Variants in DNMBP observed in about 807,000 individuals in gnomAD.
The protein encoded by DNMBP is dynamin-binding protein.
Under a neutral mutation model 150.0 loss-of-function variants are expected in DNMBP, and 87 were observed. That is an observed-to-expected ratio of 0.58 (90% CI 0.49 to 0.69). The LOEUF is 0.69. DNMBP is among the 30% of genes least tolerant of loss of function. The probability of loss-of-function intolerance (pLI) is 0.00; values close to 1 mark genes in which losing one functional copy is unlikely to be tolerated. For synonymous variants in DNMBP, 711 were observed against 750.4 expected, an observed-to-expected ratio of 0.95 and a Z score of 0.86; for missense variants, 1,774 against 1,949.0, an observed-to-expected ratio of 0.91 and a Z score of 1.69.
rs767820599 is a variant in DNMBP, at chr10:99,898,066, A to G, written c.2920+20T>C. On this transcript the variant is annotated intron_variant, in intron 9 of 16. Transcript: ENST00000324109. ...TTCTCAAAGGGCATACCTCCTTTTC[A>G]GCAATTATGCTGTTCTTACCCAGGT... 1.9e-6 allele frequency: 3 copies of G among 1,604,676 alleles called. No individual in the cohort carries two copies. Among genetic ancestry groups the G allele is most frequent in the Non-Finnish European group, 2.6e-6 (3 of 1,171,404 alleles).
intron 6 of DNMBP, among the ~76,000 whole-genome samples, chr10:99,902,359 G>C (rs1348129511): frequency 3.1e-5 from 4 of 129,560 alleles, no homozygotes; most frequent in Non-Finnish European, 6.3e-5. Context: ...ACCCAGGCTG[G>C]AGTGCAGTGG....
intron 16 of DNMBP, among the ~76,000 whole-genome samples, chr10:99,879,084 CAA>C (rs71009780): frequency 9.6e-5 from 6 of 62,402 alleles, no homozygotes; most frequent in Admixed American, 3.9e-4. Flanking sequence ...GACTCTGTCT[CAA>C]AAAAAAAAAA....
chr10:99,883,320 A>G (rs1475925820), intron 15 of DNMBP, among the ~76,000 whole-genome samples: 3 of 152,130 alleles, frequency 2.0e-5, no homozygotes, highest in African/African-American at 4.8e-5. Flanking sequence ...GGGAGAAGAA[A>G]GCAAATGAAA....
intron 1 of DNMBP, among the ~76,000 whole-genome samples, chr10:99,979,069 A>G (rs2040757370): frequency 6.6e-6 from 1 of 152,062 alleles, no homozygotes; most frequent in Admixed American, 6.6e-5. Context: ...AGGTCCTCCT[A>G]TTTTCTATAA....
chr10:99,956,863 G>A lies in DNMBP; in HGVS notation c.611C>T (p.Pro204Leu), dbSNP rs2040503559. ...TACTGACTCATCCACAGTCCTCAGGGGCCCCAACAGCTCTACAAAACCTTC... is the reference window on the plus strand; with the variant it reads ...TACTGACTCATCCACAGTCCTCAGGAGCCCCAACAGCTCTACAAAACCTTC... The part of the protein sequence containing the change: ...FPEGFVELLG[P>L]LRTVDESVSS... The change falls in exon 4 of 17, where the codon CCC (proline) becomes CTC (leucine). Residue 204 changes from proline to leucine, a missense_variant. Coordinates refer to ENST00000324109, the MANE Select transcript of DNMBP (RefSeq NM_015221.4). The A allele has an allele frequency of 6.2e-7, 1 of 1,613,910 alleles. No homozygotes were observed. The highest frequency in any genetic ancestry group is 1.3e-5 in the African/African-American group (1 of 74,860).
At chr10:99,938,874 A>AC (rs2040262898) in intron 4 of DNMBP, among the ~76,000 whole-genome samples, 1 of 151,852 alleles carries the variant, frequency 6.6e-6, no homozygotes, top group South Asian at 2.1e-4. Flanking sequence ...CTCCTTCAGC[A>AC]CCCCCTCTCA....
chr10:99,986,441 G>T (rs1410954069), intron 1 of DNMBP, among the ~76,000 whole-genome samples: 1 of 151,932 alleles, frequency 6.6e-6, no homozygotes, highest in African/African-American at 2.4e-5. Context: ...AATTTATTTG[G>T]TGGGAAATGT....
At chr10:99,968,029 T>C (rs2040637495) in intron 3 of DNMBP, among the ~76,000 whole-genome samples, 1 of 152,326 alleles carries the variant, frequency 6.6e-6, no homozygotes, top group Middle Eastern at 3.4e-3. Context: ...ATTATTTATT[T>C]GAGACAGGGT....
At chr10:99,899,731 C>T (rs1199574140) in intron 7 of DNMBP, 188 bp downstream of exon 7, 28 of 695,458 alleles carry the variant, frequency 4.0e-5, no homozygotes, top group Non-Finnish European at 5.9e-5. Flanking sequence ...ATAACGCTAA[C>T]CTAATACTCT....
intron 16 of DNMBP, among the ~76,000 whole-genome samples, chr10:99,877,914 G>T (rs982779135): frequency 6.6e-6 from 1 of 152,032 alleles, no homozygotes; most frequent in Non-Finnish European, 1.5e-5. Context: ...TAGAGGTCAG[G>T]AGTTTCAGAC....
intron 4 of DNMBP, among the ~76,000 whole-genome samples, chr10:99,933,434 C>T (rs2040183309): frequency 6.6e-6 from 1 of 152,236 alleles, no homozygotes; most frequent in African/African-American, 2.4e-5. Flanking sequence ...AATAAAATAG[C>T]AATCCATCAG....
chr10:99,914,141 T>C lies in DNMBP; in HGVS notation c.2261-4995A>G. The C allele has an allele frequency of 5.4e-6, 7 of 1,307,778 alleles. No individual in the cohort carries two copies. The South Asian group carries it at 1.7e-4, about 32-fold the overall frequency. The allele number at this position is 1,307,778 out of a possible 1,614,324, so 81.0% of individuals were successfully genotyped here. A position where few individuals can be genotyped will look rare whatever the true frequency, so the allele number is the denominator to read the frequency against. ...GTCACCCGGGCTATCACAGCAGGGC[T>C]TGTCCTAAAGGATGGAGCTGGAACC... On this transcript the variant is annotated intron_variant, in intron 4 of 16. Transcript: ENST00000324109.
rs1168870664 is a variant in DNMBP, at chr10:99,955,250, T to C, written c.2224A>G (p.Ile742Val). 1.2e-6 allele frequency: 2 copies of C among 1,614,030 alleles called. No homozygotes were observed. The highest frequency in any genetic ancestry group is 8.5e-7 in the Non-Finnish European group (1 of 1,179,952). Residue 742 changes from isoleucine to valine, a missense_variant, in exon 4 of 17, where the codon ATT becomes GTT. Ile to Val is a conservative substitution (Grantham distance 29). Around this residue, in one of 2 missense-constraint regions of DNMBP, gnomAD observed 1,430 missense variants for 1,492.5 expected, o/e 0.96. Transcript: ENST00000324109. ...TGGAGTTCCATATTCAAACTTTCAA[T>C]GTTACTTTCACAGAACTTGAGATCC... is the stretch of plus-strand genomic sequence containing the variant. ...LEDLKFCESN[I>V]ESLNMELQQL...
At chr10:99,894,887 A>G in intron 11 of DNMBP, 59 bp downstream of exon 11, 1 of 1,297,594 alleles carries the variant, frequency 7.7e-7, no homozygotes, top group Non-Finnish European at 1.1e-6. Flanking sequence ...ACTGATGAAC[A>G]GGAAAGGGGA....
intron 15 of DNMBP, among the ~76,000 whole-genome samples, chr10:99,881,704 C>T (rs1217337834): frequency 6.6e-6 from 1 of 152,214 alleles, no homozygotes; most frequent in Admixed American, 6.5e-5. Context: ...CTGACCCCAG[C>T]AGTAGCTGTC....
At chr10:100,001,978 GT>G (rs1158499190) in intron 1 of DNMBP, among the ~76,000 whole-genome samples, 3 of 152,164 alleles carry the variant, frequency 2.0e-5, no homozygotes, top group Non-Finnish European at 2.9e-5. Flanking sequence ...GGCATAAACT[GT>G]TCCAAGAGAG....
At chr10:99,887,409 C>T (rs2039486332) in intron 12 of DNMBP, among the ~76,000 whole-genome samples, 1 of 152,026 alleles carries the variant, frequency 6.6e-6, no homozygotes. Context: ...TGCCTGTAGT[C>T]CCAGCTCCTT....
At chr10:99,995,030 G>A (rs550256156) in intron 1 of DNMBP, among the ~76,000 whole-genome samples, 16 of 151,718 alleles carry the variant, frequency 1.1e-4, no homozygotes, top group African/African-American at 3.4e-4. Flanking sequence ...AGCTGGGCAT[G>A]CGCCACTGTG....
intron 4 of DNMBP, 116 bp downstream of exon 4, chr10:99,955,098 G>A (rs2040469132): frequency 1.2e-6 from 1 of 820,384 alleles, no homozygotes; most frequent in Non-Finnish European, 1.9e-6. Flanking sequence ...TAATGAAAAT[G>A]TAAATCATTT....
Sources: gnomAD v4.1 joint callset for allele counts (sites outside exome capture counted in the v4.1 genomes callset) on GRCh38, gnomAD v4.1.1 for gene constraint, gnomAD v4.1.1 regional missense constraint, MANE v1.5 for transcripts, NCBI Gene and HGNC (gene_info 2026-07-23, HGNC 2026-07-21) for gene names.